Variants in STX4 observed in about 807,000 individuals in gnomAD.
STX4 encodes syntaxin 4.
A neutral mutation model predicts 41.8 loss-of-function variants in STX4; 24 were observed. The ratio of observed to expected loss-of-function variants is 0.57; its 90% CI spans 0.42 to 0.81. The LOEUF (loss-of-function observed/expected upper bound fraction) is 0.81, where lower values mean the gene tolerates loss of function less well. Among genes scored for constraint, STX4 ranks in the 30% least tolerant of loss-of-function variants. The pLI, the probability that STX4 is intolerant of heterozygous loss-of-function variation, is 0.00. For synonymous variants in STX4, 158 were observed against 156.4 expected, an observed-to-expected ratio of 1.01 and a Z score of -0.08; for missense variants, 316 against 389.9, an observed-to-expected ratio of 0.81 and a Z score of 1.60.
In STX4 at chr16:31,035,007, T is replaced by C. The variant is rs773211308; in HGVS notation, c.345T>C (p.Tyr115=). 2 of 1,611,840 alleles carry C rather than the reference T, an allele frequency of 1.2e-6. No individual in the cohort carries two copies. Among genetic ancestry groups the C allele is most frequent in the South Asian group, 1.1e-5 (1 of 90,336 alleles). The change falls in exon 5 of 11, where the codon TAT becomes TAC. Residue 115 remains tyrosine, a synonymous_variant. Transcript: ENST00000313843. ...EPQKEEADEN[Y]NSVNTRMRKT... is the part of the protein sequence containing the mutation. The stretch of plus-strand genomic sequence containing the variant: ...AGAAGGAGGAAGCTGATGAGAACTA[T>C]AACTCCGTCAACACAAGAATGAGAA...
chr16:31,038,598 G>T lies in STX4; in HGVS notation c.653G>T (p.Arg218Leu). The change falls in exon 8 of 11, where the codon CGT (arginine) becomes CTT (leucine). Residue 218 changes from arginine (R) to leucine (L), a missense_variant. Transcript: ENST00000313843. Reference protein sequence around the residue: ...SEIQQLERSIRELHDIFTFLA... With the variant: ...SEIQQLERSILELHDIFTFLA... ...ATCCAGCAGCTTGAACGCAGTATTC[G>T]TGAGCTGCACGACATATTCACTTTT... 1.2e-6 allele frequency: 2 copies of T among 1,614,098 alleles called. No individual in the cohort carries two copies. The highest frequency in any genetic ancestry group is 1.7e-6 in the Non-Finnish European group (2 of 1,180,032).
intron 5 of STX4, among the ~76,000 whole-genome samples, chr16:31,036,244 G>T (rs2056798883): frequency 6.6e-6 from 1 of 152,026 alleles, no homozygotes; most frequent in Non-Finnish European, 1.5e-5. Flanking sequence ...GAAGGGTGAA[G>T]CTGGAACCAG....
chr16:31,037,063 C>CCCT (rs138853435), intron 5 of STX4, among the ~76,000 whole-genome samples: 1 of 145,064 alleles, frequency 6.9e-6, no homozygotes, highest in Non-Finnish European at 1.5e-5. Flanking sequence ...GACCCCCCCC[C>CCCT]CTTTTTTTTT....
upstream of STX4, chr16:31,033,499 C>A (rs192689001): frequency 9.0e-6 from 14 of 1,550,598 alleles, no homozygotes; most frequent in African/African-American, 1.4e-4. This position sits in a 1 kb window ranked among gnomAD's most constrained non-coding sequence, Gnocchi z 5.5. Flanking sequence ...TTCCCAGCCT[C>A]GGGCAAGGAA....
rs985616057 is a variant in STX4, at chr16:31,034,687, T to C, written c.307+151T>C. 1.4e-5 allele frequency: 12 copies of C among 882,890 alleles called. 1 individual carries two copies. In the South Asian group the frequency reaches 1.6e-4, roughly 11 times the overall value. The allele number at this position is 882,890 out of a possible 1,614,324, so 54.7% of individuals were successfully genotyped here. ...CATCTGTCTCCTGGCCTCCAGGCCA[T>C]TGTACTCTCCACAGCACAAGTCCGC... On this transcript the variant is annotated intron_variant, in intron 4 of 10. Transcript: ENST00000313843.
At chr16:31,037,497 T>C (rs1225383257) in intron 5 of STX4, among the ~76,000 whole-genome samples, 1 of 150,018 alleles carries the variant, frequency 6.7e-6, no homozygotes, top group African/African-American at 2.4e-5. Context: ...CCATCTCTAC[T>C]AAAAATACAA....
At chr16:31,034,929 A>T (rs772346378) in intron 4 of STX4, 41 bp from the exon 5 acceptor site, 1 of 1,487,328 alleles carries the variant, frequency 6.7e-7, no homozygotes, top group African/African-American at 1.4e-5. Flanking sequence ...TAAAAATCCT[A>T]TGGAGACAAG....
At chr16:31,037,043 A>G (rs2056804314) in intron 5 of STX4, among the ~76,000 whole-genome samples, 1 of 138,282 alleles carries the variant, frequency 7.2e-6, no homozygotes, top group African/African-American at 2.6e-5. Flanking sequence ...CAGCCTGGGC[A>G]ATATAGTGAG....
rs970752990 is a variant in STX4 at position 31,039,970 on chromosome 16, G to C, written c.*74G>C. On this transcript the variant is annotated 3_prime_UTR_variant, in exon 11 of 11. Transcript: ENST00000313843. The surrounding 1 kb of genome is among the most constrained non-coding windows in gnomAD (Gnocchi z 4.1). Reference sequence around the variant, plus strand: ...TTCTCTCCCAGCAGCCTGGGGGGCAGGGCAGAGCCTCCAGTCGGACCCCTT... The same window carrying C: ...TTCTCTCCCAGCAGCCTGGGGGGCACGGCAGAGCCTCCAGTCGGACCCCTT... 3 of 736,270 alleles carry C rather than the reference G, an allele frequency of 4.1e-6. No individual in the cohort carries two copies. Among genetic ancestry groups the C allele is most frequent in the Non-Finnish European group, 6.8e-6 (3 of 441,156 alleles). The allele number at this position is 736,270 out of a possible 1,614,324, so 45.6% of individuals were successfully genotyped here.
chr16:31,034,786 C>T, intron 4 of STX4, 184 bp from the exon 5 acceptor site: 1 of 689,430 alleles, frequency 1.5e-6, no homozygotes, highest in Non-Finnish European at 2.4e-6. Context: ...ATTCTTTGGG[C>T]AGGGAGATGG....
intron 5 of STX4, chr16:31,035,785 T>A (rs2056795145): frequency 6.6e-6 from 1 of 151,842 alleles, no homozygotes. Context: ...TTTTTTTAAT[T>A]ATTATTATTT....
intron 5 of STX4, among the ~76,000 whole-genome samples, chr16:31,036,989 G>A (rs2056803821): frequency 6.6e-6 from 1 of 151,216 alleles, no homozygotes; most frequent in Admixed American, 6.6e-5. Flanking sequence ...CCAGCACTTT[G>A]GAGGCTGAGG....
At position 31,033,603 on chromosome 16, in the gene STX4, C is replaced by T. The variant is rs1457173431; in HGVS notation, c.-203C>T. 3 of 1,509,366 alleles carry T rather than the reference C, an allele frequency of 2.0e-6. No individual in the cohort carries two copies. Among genetic ancestry groups the T allele is most frequent in the Middle Eastern group, 2.0e-4 (1 of 5,116 alleles). 93.5% of individuals were successfully genotyped at this position (1,509,366 alleles called of 1,614,324 possible). The stretch of plus-strand genomic sequence containing the variant: ...AGCGGGGAAGAAAAGGGAATTCCAA[C>T]CTGTGGAACCTTGGGGGGTCCCCGG... On this transcript the variant is annotated 5_prime_UTR_variant, in exon 1 of 11. Transcript: ENST00000313843. This position sits in a 1 kb window ranked among gnomAD's most constrained non-coding sequence, Gnocchi z 5.5.
At position 31,040,030 on chromosome 16, in the gene STX4, T is replaced by A; in HGVS notation, c.*134T>A. 1.7e-6 allele frequency: 1 copy of A among 589,564 alleles called. No homozygotes were observed. Among genetic ancestry groups the A allele is most frequent in the Non-Finnish European group, 3.0e-6 (1 of 331,352 alleles). 36.5% of individuals were successfully genotyped at this position (589,564 alleles called of 1,614,324 possible). On this transcript the variant is annotated 3_prime_UTR_variant, in exon 11 of 11. Coordinates refer to ENST00000313843, the MANE Select transcript of STX4 (RefSeq NM_004604.5). ...GGCCCCTATGCAGAAGGGCAGACAGTTCTTCTGGGGTTGGCAGCTGCTCAT... is the reference window on the plus strand; with the variant it reads ...GGCCCCTATGCAGAAGGGCAGACAGATCTTCTGGGGTTGGCAGCTGCTCAT...
At chr16:31,038,955 G>C (rs900571527) in intron 8 of STX4, 4 of 341,978 alleles carry the variant, frequency 1.2e-5, no homozygotes. Flanking sequence ...CAGAGGTCCA[G>C]TCAGAGTTGC....
rs1291695369 is a variant in STX4 at position 31,039,558 on chromosome 16, G to C, written c.720G>C (p.Arg240=). ...CTGAGCAGGGGGAGATGATCAATCG[G>C]ATTGAGAAGAACATCCTGAGCTCAG... ...EVEMQGEMIN[R]IEKNILSSAD... is the part of the protein sequence containing the mutation. Residue 240 remains arginine (R), a synonymous_variant, in exon 9 of 11, where the codon CGG becomes CGC. Transcript: ENST00000313843. The surrounding 1 kb of genome is among the most constrained non-coding windows in gnomAD (Gnocchi z 4.1). The C allele has an allele frequency of 1.9e-6, 3 of 1,614,072 alleles. No homozygotes were observed. The highest frequency in any genetic ancestry group is 3.3e-5 in the Admixed American group (2 of 59,998).
rs1245032169 is a variant in STX4, at chr16:31,038,377, A to T, written c.565-133A>T. On this transcript the variant is annotated intron_variant, in intron 7 of 10. Transcript: ENST00000313843. ...TGATTAAGGGCACCCTGAGGCCTCTAAGGGAATTAATTAGCCTGCCTGGAG... is the reference window on the plus strand; with the variant it reads ...TGATTAAGGGCACCCTGAGGCCTCTTAGGGAATTAATTAGCCTGCCTGGAG... 79 of 1,381,964 alleles carry T rather than the reference A, an allele frequency of 5.7e-5. No individual in the cohort carries two copies. In the South Asian group the frequency reaches 9.5e-4, roughly 17 times the overall value. The allele number at this position is 1,381,964 out of a possible 1,614,324, so 85.6% of individuals were successfully genotyped here.
In STX4 at chr16:31,038,180, T is replaced by C. The variant is rs1167773750; in HGVS notation, c.554T>C (p.Phe185Ser). 6.2e-7 allele frequency: 1 copy of C among 1,614,046 alleles called. No individual in the cohort carries two copies. The highest frequency in any genetic ancestry group is 8.5e-7 in the Non-Finnish European group (1 of 1,180,004). ...CTGGACAGTGGGCAAAGCGAGGTGT[T>C]TGTGTCCAATGTGAGTGGCCACAGC... is the stretch of plus-strand genomic sequence containing the variant. ...QMLDSGQSEV[F>S]VSNILKDTQV... Residue 185 changes from phenylalanine (F) to serine (S), a missense_variant, in exon 7 of 11, where the codon TTT becomes TCT. Coordinates refer to ENST00000313843, the MANE Select transcript of STX4 (RefSeq NM_004604.5).
Position 31,033,699 on chromosome 16 carries a change from G to A in STX4, c.-107G>A, listed in dbSNP as rs1194786633. Reference sequence around the variant, plus strand: ...CTCTGGCGGCTCGTGGGGGTGTTGGGGTCCGCAGGGGGAGGGAGGGGAGTG... The same window carrying A: ...CTCTGGCGGCTCGTGGGGGTGTTGGAGTCCGCAGGGGGAGGGAGGGGAGTG... On this transcript the variant is annotated 5_prime_UTR_variant, in exon 1 of 11. Coordinates refer to ENST00000313843, the MANE Select transcript of STX4 (RefSeq NM_004604.5). This position sits in a 1 kb window ranked among gnomAD's most constrained non-coding sequence, Gnocchi z 5.5. 6.9e-7 allele frequency: 1 copy of A among 1,446,918 alleles called. No individual in the cohort carries two copies. Among genetic ancestry groups the A allele is most frequent in the Non-Finnish European group, 9.1e-7 (1 of 1,102,146 alleles). 89.6% of individuals were successfully genotyped at this position (1,446,918 alleles called of 1,614,324 possible).
Sources: allele counts gnomAD v4.1 joint callset (sites outside exome capture counted in the v4.1 genomes callset), GRCh38; gene constraint gnomAD v4.1.1; non-coding constraint Gnocchi (gnomAD v3.1); transcripts MANE v1.5; gene names NCBI Gene and HGNC (gene_info 2026-07-23, HGNC 2026-07-21).